ADAMTSL1: variants seen among roughly 807,000 people sequenced by gnomAD.
ADAMTSL1 encodes the protein ADAMTS-like protein 1.
A neutral mutation model predicts 201.8 loss-of-function variants in ADAMTSL1; 126 were observed. That is an observed-to-expected ratio of 0.62 (90% confidence interval 0.54 to 0.72). The LOEUF is 0.72. ADAMTSL1 is among the 30% of genes least tolerant of loss of function. The pLI is 0.00. For missense variants in ADAMTSL1, 2,679 were observed against 2,277.8 expected (o/e 1.18, Z -3.59); for synonymous variants, 1,121 against 903.4 (o/e 1.24, Z -4.32).
intron 2 of ADAMTSL1, among the ~76,000 whole-genome samples, chr9:18,453,757 T>C (rs960874270): frequency 6.6e-6 from 1 of 152,156 alleles, no homozygotes; most frequent in African/African-American, 2.4e-5. Flanking sequence ...AGTGGTTGAT[T>C]AGGAATATGA....
At chr9:18,866,673 G>A (rs1239486985) in intron 23 of ADAMTSL1, among the ~76,000 whole-genome samples, 1 of 152,202 alleles carries the variant, frequency 6.6e-6, no homozygotes, top group African/African-American at 2.4e-5. Flanking sequence ...ATTGCCTCAG[G>A]AATGAGAGGC....
intron 1 of ADAMTSL1, among the ~76,000 whole-genome samples, chr9:18,002,654 C>A (rs1349950246): frequency 6.6e-6 from 1 of 151,920 alleles, no homozygotes; most frequent in African/African-American, 2.4e-5. Flanking sequence ...TAATGTCAAT[C>A]TTATAGGGTA....
intron 1 of ADAMTSL1, among the ~76,000 whole-genome samples, chr9:17,981,100 G>A (rs1404478901): frequency 1.3e-5 from 2 of 152,124 alleles, no homozygotes; most frequent in Non-Finnish European, 2.9e-5. Flanking sequence ...TCTAACATTG[G>A]GGCTCAAAGT....
At chr9:18,373,094 G>A (rs149265463) in intron 2 of ADAMTSL1, among the ~76,000 whole-genome samples, 46 of 152,190 alleles carry the variant, frequency 3.0e-4, no homozygotes, top group African/African-American at 1.1e-3. Context: ...AAAATTATAG[G>A]TTTAAGTTGG....
chr9:17,986,623 G>C (rs10963383), intron 1 of ADAMTSL1, among the ~76,000 whole-genome samples: 78,473 of 151,954 alleles, frequency 0.52, 21,920 homozygotes, highest in African/African-American at 0.71. Flanking sequence ...GCAAGGGAAT[G>C]CATTTAAAAT....
chr9:18,587,361 T>C (rs1439768667), intron 4 of ADAMTSL1, among the ~76,000 whole-genome samples: 3 of 152,068 alleles, frequency 2.0e-5, no homozygotes, highest in African/African-American at 7.2e-5. Flanking sequence ...AAAAGCTCAA[T>C]ATCATTGATC....
chr9:18,109,503 A>G (rs991519051), intron 1 of ADAMTSL1, among the ~76,000 whole-genome samples: 7 of 152,014 alleles, frequency 4.6e-5, no homozygotes, highest in Non-Finnish European at 8.8e-5. Context: ...TCAGTTTAGG[A>G]CTCACATATT....
At chr9:18,574,640 T>G (rs1226147526) in intron 4 of ADAMTSL1, 1 of 321,068 alleles carries the variant, frequency 3.1e-6, no homozygotes, top group East Asian at 4.7e-5. Flanking sequence ...GGATTTTCAT[T>G]GACTCAGTTT....
chr9:18,245,268 G>T (rs1831215593), intron 2 of ADAMTSL1, among the ~76,000 whole-genome samples: 1 of 151,572 alleles, frequency 6.6e-6, no homozygotes, highest in African/African-American at 2.4e-5. Context: ...AAAAGAAATA[G>T]GTCAAATGAG....
At chr9:18,387,747 T>G (rs139250380) in intron 2 of ADAMTSL1, among the ~76,000 whole-genome samples, 1 of 152,258 alleles carries the variant, frequency 6.6e-6, no homozygotes, top group African/African-American at 2.4e-5. Flanking sequence ...ACCAGGCCAT[T>G]TATTGTAACT....
chr9:18,488,475 C>T (rs956760145), intron 1 of ADAMTSL1, among the ~76,000 whole-genome samples: 1 of 152,158 alleles, frequency 6.6e-6, no homozygotes, highest in Admixed American at 6.5e-5. Context: ...CTGATACACA[C>T]CAACATTTGA....
intron 2 of ADAMTSL1, among the ~76,000 whole-genome samples, chr9:18,340,398 A>T (rs1042393801): frequency 6.6e-6 from 1 of 152,206 alleles, no homozygotes; most frequent in Non-Finnish European, 1.5e-5. Flanking sequence ...ATCCAAATGT[A>T]TATCCAACTC....
chr9:18,673,647 A>G (rs540213602), intron 9 of ADAMTSL1, among the ~76,000 whole-genome samples: 53 of 152,286 alleles, frequency 3.5e-4, no homozygotes, highest in Non-Finnish European at 2.6e-4. Flanking sequence ...TTTAAATATC[A>G]TCAGCTGATA....
At chr9:18,429,846 G>T (rs1354898704) in intron 2 of ADAMTSL1, among the ~76,000 whole-genome samples, 1 of 152,046 alleles carries the variant, frequency 6.6e-6, no homozygotes, top group South Asian at 2.1e-4. Flanking sequence ...CTGGAGTGCA[G>T]TGGTGCTATG....
At chr9:18,609,869 T>G (rs538638534) in intron 4 of ADAMTSL1, among the ~76,000 whole-genome samples, 11 of 152,300 alleles carry the variant, frequency 7.2e-5, no homozygotes, top group African/African-American at 2.6e-4. Context: ...AGCTATCACC[T>G]CAAATCCTTA....
chr9:18,876,202 C>A (rs769771698), intron 23 of ADAMTSL1, among the ~76,000 whole-genome samples: 1 of 151,988 alleles, frequency 6.6e-6, no homozygotes, highest in South Asian at 2.1e-4. Context: ...TTCCGCCATT[C>A]TCCATCTTTT....
intron 13 of ADAMTSL1, among the ~76,000 whole-genome samples, chr9:18,694,676 G>T (rs371697350): frequency 6.6e-6 from 1 of 152,064 alleles, no homozygotes; most frequent in East Asian, 1.9e-4. Flanking sequence ...CCCCTATGAA[G>T]TTGAGTGCCT....
chr9:18,772,583 C>T (rs1230706456), intron 17 of ADAMTSL1, among the ~76,000 whole-genome samples: 2 of 152,138 alleles, frequency 1.3e-5, no homozygotes, highest in African/African-American at 2.4e-5. Flanking sequence ...ACCTTTTTGG[C>T]TTTAGGTTGC....
rs145359098 is a variant in ADAMTSL1 at position 18,808,025 on chromosome 9, G to C, written c.3806-9084G>C. Among the ~76,000 whole-genome samples, 22 of 152,194 alleles carry C rather than the reference G, an allele frequency of 1.4e-4. No homozygotes were observed. The East Asian group carries it at 4.1e-3, about 28-fold the overall frequency. ...AGGTGATCTAAAGTAGGCTTATGTT[G>C]ATTTTTTTTAAGTTGGCCACTAAAA... On this transcript the variant is annotated intron_variant, in intron 20 of 28. Coordinates refer to ENST00000380548, the MANE Select transcript of ADAMTSL1 (RefSeq NM_001040272.6).
Sources: gnomAD v4.1 joint callset for allele counts (sites outside exome capture counted in the v4.1 genomes callset) on GRCh38, gnomAD v4.1.1 for gene constraint, MANE v1.5 for transcripts, NCBI Gene and HGNC (gene_info 2026-07-23, HGNC 2026-07-21) for gene names.